Variants in ZNF185 observed in about 807,000 individuals in gnomAD.
ZNF185 encodes the protein zinc finger protein 185 with LIM domain.
A neutral mutation model predicts 58.6 loss-of-function variants in ZNF185; 56 were observed. That is an observed-to-expected ratio of 0.95 (90% CI 0.77 to 1.19). The LOEUF (loss-of-function observed/expected upper bound fraction) is 1.19, where lower values mean the gene tolerates loss of function less well. Among genes scored for constraint, ZNF185 ranks in the 50% most tolerant of loss-of-function variants. The pLI is 0.00. For synonymous variants in ZNF185, 230 were observed against 215.9 expected (o/e 1.07, Z -0.57); for missense variants, 627 against 573.5 (o/e 1.09, Z -0.95).
At chrX:152,910,980 G>A (rs559266422), upstream of ZNF185, among the ~76,000 whole-genome samples, 4 of 112,056 alleles carry the variant, frequency 3.6e-5, no homozygotes, top group Admixed American at 1.9e-4. Flanking sequence ...ACCTGGGTCC[G>A]AGCAGGGGTA....
chrX:152,920,001 T>C (rs1199919958), intron 7 of ZNF185, among the ~76,000 whole-genome samples: 2 of 113,087 alleles, frequency 1.8e-5, no homozygotes, highest in Non-Finnish European at 3.7e-5. Flanking sequence ...TAATGAAAGC[T>C]TCTTGGACTC....
intron 16 of ZNF185, among the ~76,000 whole-genome samples, chrX:152,955,680 G>A (rs1429313975): frequency 2.7e-5 from 3 of 111,441 alleles, no homozygotes; most frequent in Non-Finnish European, 5.7e-5. Flanking sequence ...GAGGCGGGCA[G>A]ATCACGAGCT....
the ZNF185 span, among the ~76,000 whole-genome samples, chrX:152,908,923 C>T: frequency 1.8e-5 from 2 of 113,317 alleles, no homozygotes; most frequent in Admixed American, 9.2e-5. Flanking sequence ...GCAGGGTGCC[C>T]GCCTGACACA....
chrX:152,915,952 G>A (rs1183161135), intron 3 of ZNF185, among the ~76,000 whole-genome samples: 6 of 111,807 alleles, frequency 5.4e-5, no homozygotes, highest in Non-Finnish European at 7.5e-5. Flanking sequence ...CAGCACACAG[G>A]GCTACCTTTA....
chrX:152,948,768 A>T (rs2048020039), intron 16 of ZNF185, among the ~76,000 whole-genome samples: 1 of 112,545 alleles, frequency 8.9e-6, no homozygotes, highest in Non-Finnish European at 1.9e-5. Flanking sequence ...ACAGATGGGC[A>T]GGATCAGAAC....
At chrX:152,915,713 T>C (rs781808454) in intron 3 of ZNF185, among the ~76,000 whole-genome samples, 2 of 112,620 alleles carry the variant, frequency 1.8e-5, no homozygotes, top group South Asian at 7.4e-4. Flanking sequence ...TTTTGTCAGC[T>C]GACCAAGGAG....
At chrX:152,904,819 G>A in the ZNF185 span, among the ~76,000 whole-genome samples, 4 of 111,964 alleles carry the variant, frequency 3.6e-5, no homozygotes, top group Non-Finnish European at 7.5e-5. Flanking sequence ...ATTGCTTGGG[G>A]TCCTGTGGCC....
chrX:152,917,446 C>T (rs1603175381), intron 5 of ZNF185, 84 bp downstream of exon 6: 2 of 1,075,128 alleles, frequency 1.9e-6, no homozygotes, highest in East Asian at 6.1e-5. Context: ...AGTGCTCTGC[C>T]TATCAGGACT....
intron 15 of ZNF185, chrX:152,941,802 C>T (rs2047229530): frequency 8.6e-7 from 1 of 1,159,641 alleles, no homozygotes; most frequent in Non-Finnish European, 1.2e-6. Flanking sequence ...CACGAATGGG[C>T]CCGAGGAGCT....
chrX:152,942,705 TGGG>T (rs2047359854), intron 15 of ZNF185, among the ~76,000 whole-genome samples: 1 of 112,121 alleles, frequency 8.9e-6, no homozygotes, highest in African/African-American at 3.2e-5. Context: ...GTTGCAAGCA[TGGG>T]CTTCTCGTTT....
intron 15 of ZNF185, among the ~76,000 whole-genome samples, chrX:152,938,386 A>G (rs1187670228): frequency 8.9e-6 from 1 of 112,459 alleles, no homozygotes; most frequent in Non-Finnish European, 1.9e-5. Context: ...ATAGTCAGAA[A>G]GGGTCTTTCA....
At chrX:152,969,433 A>G in exon 21 of ZNF185, 1 of 1,209,262 alleles carries the variant, frequency 8.3e-7, no homozygotes, top group African/African-American at 1.7e-5. Context: ...GAGACTGTCC[A>G]AAGATTACCC....
chrX:152,907,952 A>G, the ZNF185 span, among the ~76,000 whole-genome samples: 14 of 112,762 alleles, frequency 1.2e-4, no homozygotes, highest in East Asian at 3.6e-3. Flanking sequence ...GGCTGTCCTG[A>G]CCAGAAATGT....
chrX:152,970,359 C>T, intron 21 of ZNF185, 84 bp from the exon 24 acceptor site: 1 of 918,615 alleles, frequency 1.1e-6, no homozygotes, highest in Non-Finnish European at 1.6e-6. Context: ...TGCTCGCCCA[C>T]CTTGTTCAGG....
chrX:152,922,758 G>A lies in ZNF185; in HGVS notation c.779G>A (p.Trp260Ter). The A allele has an allele frequency of 8.3e-7, 1 of 1,201,669 alleles. No homozygotes were observed. The highest frequency in any genetic ancestry group is 1.1e-6 in the Non-Finnish European group (1 of 890,481). ...AGGACCAAAGCGTCTCGGGCAATTT[G>A]GATCGAGTGCCTGCCAAGTATGCCT... Residue 260 changes from tryptophan (W) to a stop codon, truncating the protein, a stop_gained, in exon 11 of 23, where the codon TGG (tryptophan) becomes TAG (stop). Transcript: ENST00000449285. LOFTEE classifies it high-confidence loss of function.
intron 14 of ZNF185, 64 bp downstream of exon 15, chrX:152,933,035 AGGCTGCTTG>A: frequency 3.5e-6 from 3 of 860,388 alleles, no homozygotes; most frequent in Non-Finnish European, 3.3e-6. Flanking sequence ...TCAAGCTGCC[AGGCTGCTTG>A]GGCTGCTATG....
chrX:152,915,088 G>A (rs782490464), intron 2 of ZNF185, 50 bp from the exon 4 acceptor site: 2 of 1,177,990 alleles, frequency 1.7e-6, no homozygotes, highest in Admixed American at 2.3e-5. Flanking sequence ...CAGGATGGCA[G>A]GTGACAGGGA....
At chrX:152,938,088 C>T in exon 15 of ZNF185, 1 of 1,179,451 alleles carries the variant, frequency 8.5e-7, no homozygotes, top group Non-Finnish European at 1.1e-6. Flanking sequence ...AGTGCCACTT[C>T]AGTCTCTGCT....
At chrX:152,969,330 C>G in intron 20 of ZNF185, 52 bp from the exon 23 acceptor site, 1 of 1,056,265 alleles carries the variant, frequency 9.5e-7, no homozygotes, top group Non-Finnish European at 1.3e-6. Flanking sequence ...TGTGTCACAT[C>G]AGAGGTCTGT....
Sources: allele counts gnomAD v4.1 joint callset (sites outside exome capture counted in the v4.1 genomes callset), GRCh38; gene constraint gnomAD v4.1.1; transcripts MANE v1.5; gene names NCBI Gene and HGNC (gene_info 2026-07-23, HGNC 2026-07-21).